RAB3C: variants seen among roughly 807,000 people sequenced by gnomAD.
The protein encoded by RAB3C is RAB3C, member RAS oncogene family.
Under a neutral mutation model 26.4 loss-of-function variants are expected in RAB3C, and 17 were observed. The observed-to-expected ratio is 0.64, with a 90% confidence interval of 0.44 to 0.97. RAB3C has a LOEUF of 0.97. Among genes scored for constraint, RAB3C ranks in the 50% least tolerant of loss-of-function variants. The pLI is 0.00. For missense variants in RAB3C, 242 were observed against 281.9 expected (o/e 0.86, Z 1.01); for synonymous variants, 91 against 95.9 (o/e 0.95, Z 0.30).
intron 2 of RAB3C, among the ~76,000 whole-genome samples, chr5:58,653,070 C>T (rs1747692344): frequency 6.6e-6 from 1 of 152,106 alleles, no homozygotes; most frequent in Non-Finnish European, 1.5e-5. Flanking sequence ...TTGCAGCACC[C>T]ATCAACCCGT....
chr5:58,817,700 C>T (rs1026909503), intron 3 of RAB3C, among the ~76,000 whole-genome samples: 1 of 152,104 alleles, frequency 6.6e-6, no homozygotes, highest in Non-Finnish European at 1.5e-5. Context: ...CTGGAGATTT[C>T]TTTTTAATAC....
chr5:58,847,970 G>C (rs1812865), intron 4 of RAB3C, among the ~76,000 whole-genome samples: 88,379 of 151,820 alleles, frequency 0.58, 25,952 homozygotes, highest in Middle Eastern at 0.71. Context: ...GATTCTCCTG[G>C]CTCAGCCTCC....
chr5:58,785,161 C>T (rs1232955207), intron 3 of RAB3C, among the ~76,000 whole-genome samples: 2 of 152,204 alleles, frequency 1.3e-5, no homozygotes, highest in Non-Finnish European at 2.9e-5. Flanking sequence ...TTCTCTTCAT[C>T]ATTGAAGTCT....
intron 1 of RAB3C, among the ~76,000 whole-genome samples, chr5:58,609,596 A>G (rs1048174658): frequency 6.6e-6 from 1 of 152,158 alleles, no homozygotes; most frequent in African/African-American, 2.4e-5. Flanking sequence ...GAAGCTACAC[A>G]TGAGTTGGAC....
At chr5:58,631,697 C>G (rs1747186688) in intron 2 of RAB3C, among the ~76,000 whole-genome samples, 1 of 152,122 alleles carries the variant, frequency 6.6e-6, no homozygotes, top group South Asian at 2.1e-4. Context: ...ATCTGTCCTC[C>G]TACTATAAGA....
In RAB3C at chr5:58,795,803, G is replaced by T. The variant is rs114152579; in HGVS notation, c.372-29235G>T. On this transcript the variant is annotated intron_variant, in intron 3 of 4. Coordinates refer to ENST00000282878, the MANE Select transcript of RAB3C (RefSeq NM_138453.4). ...GTGGTAGAAAGAAAGATAGGAGGTA[G>T]GGCAGAAGTGTGGGCATAAGATATA... 3.0e-3 allele frequency among the ~76,000 whole-genome samples: 460 copies of T among 152,150 alleles called. 5 individuals are homozygous for T. The highest frequency in any genetic ancestry group is 0.011 in the African/African-American group (444 of 41,506).
At chr5:58,749,655 G>A (rs1480737212) in intron 3 of RAB3C, among the ~76,000 whole-genome samples, 1 of 152,108 alleles carries the variant, frequency 6.6e-6, no homozygotes, top group East Asian at 1.9e-4. Flanking sequence ...AAAGAAGATA[G>A]AATATTACTT....
intron 3 of RAB3C, among the ~76,000 whole-genome samples, chr5:58,769,895 C>T (rs771729186): frequency 9.2e-5 from 14 of 151,904 alleles, no homozygotes; most frequent in African/African-American, 2.7e-4. Context: ...AAGTCACATG[C>T]GAAAACGTTC....
intron 3 of RAB3C, among the ~76,000 whole-genome samples, chr5:58,809,734 C>G (rs560891094): frequency 6.6e-6 from 1 of 152,050 alleles, no homozygotes; most frequent in Admixed American, 6.5e-5. Flanking sequence ...GGAACAGACA[C>G]AAGAGAAATC....
chr5:58,796,889 C>A (rs907706500), intron 3 of RAB3C, among the ~76,000 whole-genome samples: 1 of 151,784 alleles, frequency 6.6e-6, no homozygotes, highest in African/African-American at 2.4e-5. Context: ...CAGTCATCTT[C>A]CCTGGGCACA....
At chr5:58,710,147 T>C (rs1749027081) in intron 2 of RAB3C, among the ~76,000 whole-genome samples, 1 of 152,190 alleles carries the variant, frequency 6.6e-6, no homozygotes, top group Non-Finnish European at 1.5e-5. Flanking sequence ...GCTTTTGATG[T>C]TTAGATACTC....
intron 3 of RAB3C, among the ~76,000 whole-genome samples, chr5:58,767,024 G>T (rs1053727327): frequency 2.0e-5 from 3 of 152,008 alleles, no homozygotes; most frequent in Non-Finnish European, 4.4e-5. Context: ...CAGCGGGGGG[G>T]ACTCAGACAG....
chr5:58,700,088 T>C (rs1748810231), intron 2 of RAB3C, among the ~76,000 whole-genome samples: 2 of 152,170 alleles, frequency 1.3e-5, no homozygotes, highest in South Asian at 4.1e-4. Flanking sequence ...TCCTATTCAG[T>C]TATCTTGGAA....
intron 3 of RAB3C, among the ~76,000 whole-genome samples, chr5:58,812,691 T>C (rs6860630): frequency 0.11 from 16,774 of 152,266 alleles, 1,211 homozygotes; most frequent in East Asian, 0.22. Flanking sequence ...TAACCTTTTC[T>C]AATTAAAAGT....
chr5:58,751,680 T>C (rs1022578351), intron 3 of RAB3C, among the ~76,000 whole-genome samples: 1 of 152,236 alleles, frequency 6.6e-6, no homozygotes, highest in African/African-American at 2.4e-5. Context: ...TGTTTAGTGG[T>C]AACGACTTCT....
At chr5:58,648,676 T>G (rs968604927) in intron 2 of RAB3C, among the ~76,000 whole-genome samples, 1 of 152,200 alleles carries the variant, frequency 6.6e-6, no homozygotes, top group African/African-American at 2.4e-5. Context: ...CTCATCTTTA[T>G]CAGTGTAAAA....
chr5:58,605,945 A>G (rs1462942074), intron 1 of RAB3C, among the ~76,000 whole-genome samples: 1 of 152,190 alleles, frequency 6.6e-6, no homozygotes, highest in African/African-American at 2.4e-5. Context: ...AGATGGCCAA[A>G]TAGGAACAGC....
chr5:58,596,851 C>CATAATATATTATATATAAATTTATAATAT (rs1746285913), intron 1 of RAB3C, among the ~76,000 whole-genome samples: 1 of 80,118 alleles, frequency 1.2e-5, no homozygotes, highest in Non-Finnish European at 2.1e-5. Context: ...ATATATAATA[C>CATAATATATTATATATAAATTTATAATAT]ATAATATATA....
chr5:58,810,797 A>C (rs565764468), intron 3 of RAB3C, among the ~76,000 whole-genome samples: 1 of 152,274 alleles, frequency 6.6e-6, no homozygotes, highest in African/African-American at 2.4e-5. Context: ...GGGTTTCGCC[A>C]TGTTGGCCAG....
Sources: allele counts gnomAD v4.1 joint callset (sites outside exome capture counted in the v4.1 genomes callset), GRCh38; gene constraint gnomAD v4.1.1; transcripts MANE v1.5; gene names NCBI Gene and HGNC (gene_info 2026-07-23, HGNC 2026-07-21).